LRP1B: variants seen among roughly 807,000 people sequenced by gnomAD.
LRP1B encodes LDL receptor related protein 1B.
A neutral mutation model predicts 556.6 loss-of-function variants in LRP1B; 217 were observed. That is an observed-to-expected ratio of 0.39 (90% confidence interval 0.35 to 0.44). The LOEUF is 0.44. LRP1B is among the 20% of genes least tolerant of loss of function. The pLI is 1.00. For synonymous variants in LRP1B, 2,047 were observed against 1,865.8 expected (o/e 1.10, Z -2.50); for missense variants, 5,053 against 5,620.8 (o/e 0.90, Z 3.23).
chr2:140,844,678 C>T (rs1692222290), intron 29 of LRP1B, among the ~76,000 whole-genome samples: 1 of 151,964 alleles, frequency 6.6e-6, no homozygotes, highest in Admixed American at 6.6e-5. Context: ...TTTAATTTTC[C>T]AGTTCTGGGG....
chr2:141,495,355 G>A (rs1310987015), intron 2 of LRP1B, among the ~76,000 whole-genome samples: 1 of 152,078 alleles, frequency 6.6e-6, no homozygotes, highest in African/African-American at 2.4e-5. Flanking sequence ...TCATACCCAT[G>A]GTAATGAGCA....
At chr2:141,969,971 T>C (rs779454648) in intron 1 of LRP1B, among the ~76,000 whole-genome samples, 5 of 151,614 alleles carry the variant, frequency 3.3e-5, no homozygotes, top group Non-Finnish European at 5.9e-5. Context: ...TAATAGCCAT[T>C]GTTACATGTG....
intron 31 of LRP1B, among the ~76,000 whole-genome samples, chr2:140,824,304 T>C (rs944696202): frequency 5.9e-5 from 9 of 152,228 alleles, no homozygotes; most frequent in Non-Finnish European, 1.3e-4. Context: ...TTAATCTATA[T>C]GAGGCCTTTT....
At chr2:141,113,334 C>T (rs1211703939) in intron 7 of LRP1B, among the ~76,000 whole-genome samples, 1 of 152,112 alleles carries the variant, frequency 6.6e-6, no homozygotes, top group East Asian at 1.9e-4. Flanking sequence ...AATAAAGATC[C>T]ACTAAAAAGC....
chr2:141,434,149 C>A (rs530621452), intron 3 of LRP1B, among the ~76,000 whole-genome samples: 1 of 152,054 alleles, frequency 6.6e-6, no homozygotes, highest in Non-Finnish European at 1.5e-5. Flanking sequence ...ATTAGGGAAG[C>A]TTTCAGGTAT....
intron 41 of LRP1B, among the ~76,000 whole-genome samples, chr2:140,603,256 A>C (rs1489848067): frequency 6.6e-6 from 1 of 152,108 alleles, no homozygotes; most frequent in Non-Finnish European, 1.5e-5. Flanking sequence ...ATTATAAAAC[A>C]CAGTCACTGT....
At chr2:141,843,426 G>A (rs1190370535) in intron 1 of LRP1B, among the ~76,000 whole-genome samples, 1 of 152,124 alleles carries the variant, frequency 6.6e-6, no homozygotes, top group Non-Finnish European at 1.5e-5. Context: ...CTGTACACAA[G>A]ATAATGCCAA....
chr2:142,018,357 C>T (rs891803901), intron 1 of LRP1B, among the ~76,000 whole-genome samples: 2 of 152,088 alleles, frequency 1.3e-5, no homozygotes, highest in Admixed American at 1.3e-4. Flanking sequence ...TATATAAACA[C>T]CTCAACTCTA....
intron 60 of LRP1B, among the ~76,000 whole-genome samples, chr2:140,466,202 G>A (rs186309508): frequency 4.0e-5 from 6 of 148,886 alleles, no homozygotes; most frequent in East Asian, 3.9e-4. Context: ...ATTGGGTTTC[G>A]GAATATGTGA....
At chr2:141,832,265 TTAGAATTGACCTTGAAAA>T (rs1177992067) in intron 1 of LRP1B, among the ~76,000 whole-genome samples, 1 of 151,072 alleles carries the variant, frequency 6.6e-6, no homozygotes, top group Non-Finnish European at 1.5e-5. Flanking sequence ...AATTCAGACA[TTAGAATTGACCTTGAAAA>T]TTGGTCTACT....
chr2:140,358,815 A>G lies in LRP1B; in HGVS notation c.11257+6T>C, dbSNP rs1184424245. 3 of 1,606,770 alleles carry G rather than the reference A, an allele frequency of 1.9e-6. No homozygotes were observed. The highest frequency in any genetic ancestry group is 1.7e-6 in the Non-Finnish European group (2 of 1,174,762). ...CACTGAATTATTTCACATTAAATGC[A>G]TTTACCACCACAGTGATCTTCATCT... On this transcript the variant is annotated splice_donor_region_variant and intron_variant, in intron 73 of 90. Coordinates refer to ENST00000389484, the MANE Select transcript of LRP1B (RefSeq NM_018557.3).
At chr2:141,751,975 A>G (rs138035143) in intron 2 of LRP1B, among the ~76,000 whole-genome samples, 1 of 151,780 alleles carries the variant, frequency 6.6e-6, no homozygotes, top group East Asian at 1.9e-4. Flanking sequence ...ACCACAATAA[A>G]CAGCAATCTT....
At chr2:140,934,359 G>T (rs541055291) in intron 20 of LRP1B, among the ~76,000 whole-genome samples, 12 of 152,124 alleles carry the variant, frequency 7.9e-5, no homozygotes, top group African/African-American at 2.9e-4. Flanking sequence ...TGGTAAATAT[G>T]AATTGAATGA....
intron 41 of LRP1B, among the ~76,000 whole-genome samples, chr2:140,615,234 GT>G (rs757857184): frequency 9.9e-5 from 15 of 152,156 alleles, no homozygotes; most frequent in Non-Finnish European, 1.6e-4. Context: ...GAAACAACTA[GT>G]CTTGCAATCT....
At chr2:140,783,985 G>A (rs1442041615) in intron 32 of LRP1B, among the ~76,000 whole-genome samples, 1 of 152,132 alleles carries the variant, frequency 6.6e-6, no homozygotes, top group South Asian at 2.1e-4. Context: ...TTCAAGGGTG[G>A]GGCCCAACAA....
At chr2:141,230,034 T>A (rs1479308160) in intron 5 of LRP1B, among the ~76,000 whole-genome samples, 1 of 152,182 alleles carries the variant, frequency 6.6e-6, no homozygotes, top group Non-Finnish European at 1.5e-5. Context: ...AACAAGATTC[T>A]AGGTATAAAA....
chr2:141,756,717 G>A (rs370438926), intron 2 of LRP1B, among the ~76,000 whole-genome samples: 3 of 152,092 alleles, frequency 2.0e-5, no homozygotes, highest in African/African-American at 7.2e-5. Context: ...CTTACATTGT[G>A]TTACAGCTGC....
chr2:141,459,106 G>T (rs1681754437), intron 3 of LRP1B, among the ~76,000 whole-genome samples: 1 of 17,688 alleles, frequency 5.7e-5, no homozygotes, highest in Non-Finnish European at 6.1e-4. Context: ...GAACAGGACA[G>T]TATGTTCAAT....
chr2:141,804,019 C>T (rs1696093219), intron 2 of LRP1B, among the ~76,000 whole-genome samples: 1 of 152,114 alleles, frequency 6.6e-6, no homozygotes, highest in Non-Finnish European at 1.5e-5. Flanking sequence ...ATAGATGCTT[C>T]TCTTCCTAGT....
Sources: gnomAD v4.1 joint callset for allele counts (sites outside exome capture counted in the v4.1 genomes callset) on GRCh38, gnomAD v4.1.1 for gene constraint, MANE v1.5 for transcripts, NCBI Gene and HGNC (gene_info 2026-07-23, HGNC 2026-07-21) for gene names.